CELF2: variants seen among roughly 807,000 people sequenced by gnomAD.
The protein encoded by CELF2 is CUG triplet repeat RNA-binding protein 2.
A neutral mutation model predicts 62.6 loss-of-function variants in CELF2; 8 were observed. The observed-to-expected ratio is 0.13, with a 90% CI of 0.07 to 0.23. The LOEUF (loss-of-function observed/expected upper bound fraction) is 0.23, where lower values mean the gene tolerates loss of function less well. CELF2 is among the 10% of genes least tolerant of loss of function. The pLI, the probability that CELF2 is intolerant of heterozygous loss-of-function variation, is 1.00. For missense variants in CELF2, 333 were observed against 671.0 expected (o/e 0.50, Z 5.56); for synonymous variants, 258 against 250.0 (o/e 1.03, Z -0.30).
intron 3 of CELF2, among the ~76,000 whole-genome samples, chr10:11,234,161 T>C (rs2070068256): frequency 6.6e-6 from 1 of 152,184 alleles, no homozygotes; most frequent in African/African-American, 2.4e-5. Context: ...TTCATTGTAA[T>C]TTACTGTGTC....
the CELF2 span, among the ~76,000 whole-genome samples, chr10:10,682,314 A>G: frequency 9.2e-5 from 14 of 152,252 alleles, no homozygotes; most frequent in Admixed American, 6.5e-4. Flanking sequence ...AGAGCAAATG[A>G]CACAAAATTA....
At chr10:10,873,723 C>T (rs1170709258) in intron 1 of CELF2, among the ~76,000 whole-genome samples, 1 of 152,202 alleles carries the variant, frequency 6.6e-6, no homozygotes, top group Non-Finnish European at 1.5e-5. Flanking sequence ...GTTCATCTCT[C>T]CAACTTCTCT....
At chr10:11,320,993 C>CA in intron 10 of CELF2, 196 bp from the exon 11 acceptor site, 1 of 1,431,782 alleles carries the variant, frequency 7.0e-7, no homozygotes, top group South Asian at 1.3e-5. Context: ...TGAGGGTTCT[C>CA]ATGGCTTAGG....
chr10:10,760,630 G>A, the CELF2 span, among the ~76,000 whole-genome samples: 8 of 152,304 alleles, frequency 5.3e-5, no homozygotes, highest in African/African-American at 1.9e-4. Flanking sequence ...AGCCTGCAAT[G>A]AGGATACATG....
chr10:11,198,012 A>T (rs2058388588), intron 2 of CELF2, among the ~76,000 whole-genome samples: 1 of 152,220 alleles, frequency 6.6e-6, no homozygotes, highest in Non-Finnish European at 1.5e-5. Flanking sequence ...GACCCCATAT[A>T]ACTGTGTCAA....
rs1366688857 is a variant in CELF2 at position 11,242,098 on chromosome 10, CCT to C, written c.355-7048_355-7047del. Among the ~76,000 whole-genome samples the C allele has an allele frequency of 6.6e-6, 1 of 152,016 alleles. No individual in the cohort carries two copies. Among genetic ancestry groups the C allele is most frequent in the African/African-American group, 2.4e-5 (1 of 41,382 alleles). ...TTCGTGAATTCACTTCTTTCCATCC[CCT>C]CTCTCTACTTTTAAATATTTTATGG... On this transcript the variant is annotated intron_variant, in intron 3 of 12. Coordinates refer to ENST00000633077, the MANE Select transcript of CELF2 (RefSeq NM_001326342.2). The surrounding 1 kb of genome is among the most constrained non-coding windows in gnomAD (Gnocchi z 4.8).
intron 4 of CELF2, 61 bp from the exon 5 acceptor site, chr10:11,257,677 C>T: frequency 1.3e-6 from 2 of 1,580,426 alleles, no homozygotes; most frequent in South Asian, 2.3e-5. Flanking sequence ...GGTAATGAAG[C>T]ATTGATTACA....
chr10:10,547,092 G>A, the CELF2 span, among the ~76,000 whole-genome samples: 1 of 152,198 alleles, frequency 6.6e-6, no homozygotes, highest in Non-Finnish European at 1.5e-5. Context: ...GGGCAACAGA[G>A]TGAGACTCTG....
At chr10:10,812,314 G>A (rs2055987260) in intron 1 of CELF2, among the ~76,000 whole-genome samples, 1 of 152,152 alleles carries the variant, frequency 6.6e-6, no homozygotes, top group African/African-American at 2.4e-5. Flanking sequence ...CATGAGAACG[G>A]TATGGGTGAA....
At chr10:10,606,407 A>T in the CELF2 span, among the ~76,000 whole-genome samples, 4 of 152,180 alleles carry the variant, frequency 2.6e-5, no homozygotes, top group Non-Finnish European at 5.9e-5. Flanking sequence ...GAATTAACTT[A>T]AATTTAATTA....
intron 2 of CELF2, among the ~76,000 whole-genome samples, chr10:10,977,618 G>T (rs1356682437): frequency 2.0e-5 from 3 of 152,196 alleles, no homozygotes; most frequent in Non-Finnish European, 2.9e-5. Flanking sequence ...GCATTTTTCT[G>T]AATGTCATCC....
At chr10:10,753,507 G>A in the CELF2 span, among the ~76,000 whole-genome samples, 25 of 152,100 alleles carry the variant, frequency 1.6e-4, no homozygotes, top group African/African-American at 4.3e-4. Flanking sequence ...GTATCATTGC[G>A]GATACGAATG....
chr10:11,201,644 TCAG>T (rs1185561524), intron 2 of CELF2, among the ~76,000 whole-genome samples: 1 of 152,200 alleles, frequency 6.6e-6, no homozygotes, highest in East Asian at 1.9e-4. Context: ...AGGATGGACT[TCAG>T]CAGACACTGG....
the CELF2 span, among the ~76,000 whole-genome samples, chr10:10,710,050 A>C: frequency 6.6e-6 from 1 of 152,202 alleles, no homozygotes; most frequent in Admixed American, 6.5e-5. Context: ...CCTGGATTCT[A>C]GGACCCCAAA....
At chr10:10,689,131 A>C in the CELF2 span, among the ~76,000 whole-genome samples, 2 of 152,196 alleles carry the variant, frequency 1.3e-5, no homozygotes, top group African/African-American at 4.8e-5. Flanking sequence ...GAACTACCTG[A>C]GACTGGGTAA....
intron 2 of CELF2, among the ~76,000 whole-genome samples, chr10:11,206,109 G>C (rs185495234): frequency 6.6e-6 from 1 of 152,172 alleles, no homozygotes; most frequent in South Asian, 2.1e-4. Flanking sequence ...TAATAAGTTA[G>C]AATACCACTG....
chr10:11,111,090 T>C (rs939553415), intron 1 of CELF2, among the ~76,000 whole-genome samples: 3 of 152,186 alleles, frequency 2.0e-5, no homozygotes, highest in Non-Finnish European at 4.4e-5. Context: ...GAGCTGTCAT[T>C]TGGAAGTGAT....
At chr10:11,077,461 C>T (rs2072382872) in intron 1 of CELF2, among the ~76,000 whole-genome samples, 1 of 152,172 alleles carries the variant, frequency 6.6e-6, no homozygotes, top group Non-Finnish European at 1.5e-5. Context: ...ATGCCCTAAG[C>T]GTGATCAAAA....
chr10:10,915,729 C>G (rs1438694182), intron 1 of CELF2, among the ~76,000 whole-genome samples: 1 of 152,184 alleles, frequency 6.6e-6, no homozygotes, highest in African/African-American at 2.4e-5. Context: ...GCCACGGCAC[C>G]CGGCCCTTAG....
Sources: gnomAD v4.1 joint callset for allele counts (sites outside exome capture counted in the v4.1 genomes callset) on GRCh38, gnomAD v4.1.1 for gene constraint, Gnocchi (gnomAD v3.1) non-coding constraint, MANE v1.5 for transcripts, NCBI Gene and HGNC (gene_info 2026-07-23, HGNC 2026-07-21) for gene names.